CDIN1: variants seen among roughly 807,000 people sequenced by gnomAD.
CDIN1 encodes the protein CDAN1-interacting nuclease 1.
In CDIN1, 33 loss-of-function variants were observed where a neutral mutation model predicts 45.3. The ratio of observed to expected loss-of-function variants is 0.73; its 90% CI spans 0.55 to 0.97. The LOEUF is 0.97. Among genes scored for constraint, CDIN1 ranks in the 50% least tolerant of loss-of-function variants. The probability of loss-of-function intolerance (pLI) is 0.00; values close to 1 mark genes in which losing one functional copy is unlikely to be tolerated. For missense variants in CDIN1, 303 were observed against 339.4 expected (o/e 0.89, Z 0.84); for synonymous variants, 118 against 124.4 (o/e 0.95, Z 0.34).
chr15:36,606,436 C>T (rs1289738112), intron 1 of CDIN1, among the ~76,000 whole-genome samples: 1 of 151,990 alleles, frequency 6.6e-6, no homozygotes, highest in Non-Finnish European at 1.5e-5. Flanking sequence ...AGTATGCTAC[C>T]CAAAGAATGA....
intron 10 of CDIN1, among the ~76,000 whole-genome samples, chr15:36,727,058 T>A (rs1197462028): frequency 6.6e-6 from 1 of 152,028 alleles, no homozygotes; most frequent in African/African-American, 2.4e-5. Context: ...TTTCTTTCAT[T>A]GTGGTGAGAA....
intron 1 of CDIN1, among the ~76,000 whole-genome samples, chr15:36,595,371 G>A (rs114285930): frequency 0.025 from 3,759 of 149,094 alleles, 156 homozygotes; most frequent in African/African-American, 0.086. Context: ...TATTTTTAAG[G>A]TTTTGCCCAC....
intron 10 of CDIN1, among the ~76,000 whole-genome samples, chr15:36,718,756 A>G (rs576720641): frequency 5.7e-4 from 85 of 148,386 alleles, no homozygotes; most frequent in African/African-American, 1.9e-3. Flanking sequence ...AGGATTTTCT[A>G]CATAGACAAC....
At chr15:36,775,440 A>G (rs528514378) in intron 10 of CDIN1, among the ~76,000 whole-genome samples, 2 of 152,354 alleles carry the variant, frequency 1.3e-5, no homozygotes, top group African/African-American at 2.4e-5. Flanking sequence ...CCAGGAGGTC[A>G]GAGGCCTAGA....
chr15:36,653,580 A>T (rs11631384), intron 3 of CDIN1, among the ~76,000 whole-genome samples: 67,333 of 151,786 alleles, frequency 0.44, 15,273 homozygotes, highest in East Asian at 0.65. Flanking sequence ...TTCTTCCACA[A>T]ATCTAGGGCA....
chr15:36,724,031 A>G (rs1024788535), intron 10 of CDIN1, among the ~76,000 whole-genome samples: 3 of 152,208 alleles, frequency 2.0e-5, no homozygotes, highest in Admixed American at 6.6e-5. Flanking sequence ...TAACAGTCCT[A>G]TGAGGTAAAT....
intron 7 of CDIN1, 73 bp downstream of exon 7, chr15:36,692,248 C>G (rs143578983): frequency 0.015 from 20,688 of 1,406,492 alleles, 197 homozygotes; most frequent in Non-Finnish European, 0.017. Context: ...CTAGCTTTAA[C>G]CTGACATAAA....
chr15:36,734,042 T>C (rs1436948918), intron 10 of CDIN1, among the ~76,000 whole-genome samples: 1 of 152,178 alleles, frequency 6.6e-6, no homozygotes, highest in African/African-American at 2.4e-5. Context: ...TTATATTTGA[T>C]TCATACAACA....
intron 10 of CDIN1, among the ~76,000 whole-genome samples, chr15:36,731,265 G>C (rs1166536062): frequency 6.6e-6 from 1 of 152,064 alleles, no homozygotes; most frequent in Non-Finnish European, 1.5e-5. Context: ...TAAGCTTCCT[G>C]TGTCATACTT....
At chr15:36,632,442 A>T (rs1392089690) in intron 1 of CDIN1, among the ~76,000 whole-genome samples, 6 of 152,222 alleles carry the variant, frequency 3.9e-5, no homozygotes, top group Admixed American at 3.9e-4. Context: ...GGAGGCTGAC[A>T]GGTCTTCATG....
intron 7 of CDIN1, among the ~76,000 whole-genome samples, chr15:36,692,659 G>A (rs1490715065): frequency 6.6e-6 from 1 of 152,148 alleles, no homozygotes; most frequent in Non-Finnish European, 1.5e-5. Flanking sequence ...CTTAAATGCT[G>A]ATTACAATCT....
At position 36,654,509 on chromosome 15, in the gene CDIN1, A is replaced by G. The variant is rs1469183135; in HGVS notation, c.273+351A>G. On this transcript the variant is annotated intron_variant, in intron 4 of 10. Coordinates refer to ENST00000566621, the MANE Select transcript of CDIN1 (RefSeq NM_001321759.2). ...ATACCTGTGTCAAGTAAAGAGATGG[A>G]TGCCAAAAAAAAAAAAAAAAAAACT... 4.2e-5 allele frequency among the ~76,000 whole-genome samples: 5 copies of G among 118,486 alleles called. No individual in the cohort carries two copies. In the East Asian group the frequency reaches 1.2e-3, roughly 28 times the overall value. 77.7% of individuals were successfully genotyped at this position (118,486 alleles called of 152,430 possible).
intron 1 of CDIN1, among the ~76,000 whole-genome samples, chr15:36,601,578 C>T (rs1431643057): frequency 6.6e-6 from 1 of 152,212 alleles, no homozygotes; most frequent in Non-Finnish European, 1.5e-5. Context: ...GAACTAACTA[C>T]TTGTGTGATT....
At chr15:36,803,121 AAGTG>A (rs2055104463) in intron 10 of CDIN1, among the ~76,000 whole-genome samples, 1 of 151,794 alleles carries the variant, frequency 6.6e-6, no homozygotes, top group Non-Finnish European at 1.5e-5. Flanking sequence ...TTGACTGACA[AAGTG>A]TTCTCCCTGT....
At chr15:36,678,154 A>G (rs2041717588) in intron 5 of CDIN1, among the ~76,000 whole-genome samples, 1 of 152,206 alleles carries the variant, frequency 6.6e-6, no homozygotes, top group Non-Finnish European at 1.5e-5. Context: ...GTCAAATGAG[A>G]TCAAACTGCT....
chr15:36,733,379 GCAA>G (rs1302976886), intron 10 of CDIN1, among the ~76,000 whole-genome samples: 14 of 151,912 alleles, frequency 9.2e-5, no homozygotes, highest in Admixed American at 6.6e-4. Flanking sequence ...TCATCTTTAA[GCAA>G]CAACAAGAAA....
chr15:36,598,827 G>T (rs529783315), intron 1 of CDIN1, among the ~76,000 whole-genome samples: 3 of 151,034 alleles, frequency 2.0e-5, no homozygotes, highest in African/African-American at 7.3e-5. Flanking sequence ...TTGTTTGTTT[G>T]TTTTTTTGTT....
chr15:36,585,176 G>C (rs938344029), intron 1 of CDIN1, among the ~76,000 whole-genome samples: 1 of 152,160 alleles, frequency 6.6e-6, no homozygotes, highest in Admixed American at 6.5e-5. Context: ...TTGCAGAAAA[G>C]TTGCAGAAAT....
chr15:36,594,165 G>C (rs1389279941), intron 1 of CDIN1, among the ~76,000 whole-genome samples: 1 of 151,856 alleles, frequency 6.6e-6, no homozygotes, highest in Non-Finnish European at 1.5e-5. Context: ...CTTCCTCTAG[G>C]TTCTAGATCA....
Sources: gnomAD v4.1 joint callset for allele counts (sites outside exome capture counted in the v4.1 genomes callset) on GRCh38, gnomAD v4.1.1 for gene constraint, MANE v1.5 for transcripts, NCBI Gene and HGNC (gene_info 2026-07-23, HGNC 2026-07-21) for gene names.